INTS1: variants seen among roughly 807,000 people sequenced by gnomAD.
INTS1 encodes the protein integrator complex subunit 1.
In INTS1, 137 loss-of-function variants were observed where a neutral mutation model predicts 241.6. That is an observed-to-expected ratio of 0.57 (90% CI 0.49 to 0.65). INTS1 has a LOEUF of 0.65. INTS1 is among the 30% of genes least tolerant of loss of function. INTS1 has a pLI of 0.00. For synonymous variants in INTS1, 1,692 were observed against 1,337.8 expected (o/e 1.26, Z -5.78); for missense variants, 3,073 against 3,032.2 (o/e 1.01, Z -0.32).
chr7:1,473,813 G>T (rs1372491278), intron 41 of INTS1, 120 bp from the exon 42 acceptor site: 5 of 1,276,784 alleles, frequency 3.9e-6, no homozygotes, highest in Non-Finnish European at 5.4e-6. Context: ...AGCCCCCTCT[G>T]CCAACCACTG....
chr7:1,499,174 A>G lies in INTS1; in HGVS notation c.951-13T>C. On this transcript the variant is annotated splice_polypyrimidine_tract_variant and intron_variant, in intron 7 of 47. Transcript: ENST00000404767. ...GAGCTCTTCGTACCTAGGCCAGAGGAGGGAGCGAGGAGGGAGGAAGGTGGC... is the reference window on the plus strand; with the variant it reads ...GAGCTCTTCGTACCTAGGCCAGAGGGGGGAGCGAGGAGGGAGGAAGGTGGC... 1 of 1,606,706 alleles carries G rather than the reference A, an allele frequency of 6.2e-7. No homozygotes were observed. Among genetic ancestry groups the G allele is most frequent in the Non-Finnish European group, 8.5e-7 (1 of 1,176,980 alleles).
Position 1,480,374 on chromosome 7 carries a change from C to T in INTS1, c.4017G>A (p.Val1339=), listed in dbSNP as rs1315994097. The T allele has an allele frequency of 6.2e-7, 1 of 1,612,466 alleles. No homozygotes were observed. Among genetic ancestry groups the T allele is most frequent in the Admixed American group, 1.7e-5 (1 of 59,928 alleles). Residue 1339 remains valine (V), a synonymous_variant, in exon 30 of 48, where the codon GTG becomes GTA. Transcript: ENST00000404767. ...GGCCCAGCACCCGGAGCTGGGTCCC[C>T]ACCCGAATCCGGCCCTGGCCTATGG... The part of the protein sequence containing the change: ...EQPIGQGRIR[V]GTQLRVLGPE...
At chr7:1,490,619 G>A (rs1035087272) in intron 16 of INTS1, among the ~76,000 whole-genome samples, 2 of 152,368 alleles carry the variant, frequency 1.3e-5, no homozygotes, top group Non-Finnish European at 2.9e-5. Context: ...ACGGATCGCA[G>A]GGCGTGGCCT....
intron 43 of INTS1, among the ~76,000 whole-genome samples, chr7:1,472,678 G>A (rs935157626): frequency 1.3e-5 from 2 of 152,234 alleles, no homozygotes; most frequent in African/African-American, 2.4e-5. Flanking sequence ...CTCTTCCGGC[G>A]GCACAGGAGA....
intron 4 of INTS1, 48 bp downstream of exon 4, chr7:1,500,122 C>T (rs1451687157): frequency 2.5e-6 from 4 of 1,580,402 alleles, no homozygotes; most frequent in South Asian, 2.3e-5. Context: ...AGGAGGGGAG[C>T]CAAGGGCCCC....
intron 4 of INTS1, 67 bp downstream of exon 4, chr7:1,500,103 G>C (rs1783088472): frequency 4.4e-6 from 7 of 1,587,610 alleles, no homozygotes; most frequent in South Asian, 3.4e-5. Context: ...GACACTTAAG[G>C]GGGAGGTGAG....
At chr7:1,504,263 G>C in intron 1 of INTS1, 60 bp downstream of exon 1, 1 of 587,968 alleles carries the variant, frequency 1.7e-6, no homozygotes, top group Non-Finnish European at 3.1e-6. Flanking sequence ...GGGAGCGGTA[G>C]CCGGGAGAAC....
intron 16 of INTS1, among the ~76,000 whole-genome samples, chr7:1,490,061 G>A (rs980620324): frequency 1.4e-5 from 2 of 144,102 alleles, no homozygotes; most frequent in East Asian, 4.1e-4. Flanking sequence ...GGGCCCCTCG[G>A]GTGAGGAAAC....
chr7:1,494,129 C>A (rs1324526718), intron 14 of INTS1, among the ~76,000 whole-genome samples: 1 of 152,198 alleles, frequency 6.6e-6, no homozygotes, highest in Non-Finnish European at 1.5e-5. Flanking sequence ...GGGGAGGCTA[C>A]CCCCACCCCA....
At chr7:1,479,928 G>A (rs1260903508) in intron 30 of INTS1, among the ~76,000 whole-genome samples, 1 of 152,174 alleles carries the variant, frequency 6.6e-6, no homozygotes, top group Admixed American at 6.5e-5. Flanking sequence ...GCCTGCCCAG[G>A]GACCACCAGG....
Position 1,499,307 on chromosome 7 carries a change from G to C in INTS1, c.898C>G (p.Leu300Val). 1 of 1,606,902 alleles carries C rather than the reference G, an allele frequency of 6.2e-7. No homozygotes were observed. The highest frequency in any genetic ancestry group is 1.1e-5 in the South Asian group (1 of 90,070). The change falls in exon 7 of 48, where the codon CTG becomes GTG. Residue 300 changes from leucine (L) to valine (V), a missense_variant. Leu to Val is a conservative substitution (Grantham distance 32). Transcript: ENST00000404767. ...GGGCTCAGCTTCTCCTCCGCGATCAGCAACTCCGTCTGGCTGTCCTCCTCC... is the reference window on the plus strand; with the variant it reads ...GGGCTCAGCTTCTCCTCCGCGATCACCAACTCCGTCTGGCTGTCCTCCTCC... ...TEEEDSQTEL[L>V]IAEEKLSPEQ...
Position 1,471,637 on chromosome 7 carries a change from C to T in INTS1, c.6189G>A (p.Leu2063=), listed in dbSNP as rs73267808. The T allele has an allele frequency of 2.6e-3, 4,221 of 1,612,144 alleles. 89 individuals are homozygous for T. The African/African-American group carries it at 0.05, about 19-fold the overall frequency. Residue 2063 remains leucine, a synonymous_variant, in exon 45 of 48, where the codon CTG becomes CTA. Transcript: ENST00000404767. ...CGTCTATGTCACTCAGAACCTCCAG[C>T]AGATCTGACACAGAGAGAGGGCCAG... The part of the protein sequence containing the change: ...RLSRGQTVED[L]LEVLSDIDEM...
Position 1,504,367 on chromosome 7 carries a change from C to A in INTS1, c.-86G>T, listed in dbSNP as rs1475474999. 1.2e-5 allele frequency: 6 copies of A among 492,074 alleles called. No homozygotes were observed. 30.5% of individuals were successfully genotyped at this position (492,074 alleles called of 1,614,324 possible). ...GAGCGCCGCCGCCGCCACCCGGCCA[C>A]CCCGGAATCGGAAACCGATCTCACC... On this transcript the variant is annotated 5_prime_UTR_variant, in exon 1 of 48. Coordinates refer to ENST00000404767, the MANE Select transcript of INTS1 (RefSeq NM_001080453.3).
chr7:1,487,380 G>C lies in INTS1; in HGVS notation c.2586C>G (p.Leu862=). 6.2e-7 allele frequency: 1 copy of C among 1,611,362 alleles called. No individual in the cohort carries two copies. The highest frequency in any genetic ancestry group is 8.5e-7 in the Non-Finnish European group (1 of 1,179,150). ...TTCGGCTGCGGCACAAGAGGTGCCC[G>C]AGGCGGAGGGACTGGTTGAGGCTTT... is the stretch of plus-strand genomic sequence containing the variant. ...QVKSLNQSLR[L]GHLLCRSRNP... is the part of the protein sequence containing the mutation. The change falls in exon 20 of 48, where the codon CTC becomes CTG. Residue 862 remains leucine, a synonymous_variant. Transcript: ENST00000404767.
chr7:1,487,542 C>G, intron 19 of INTS1, 93 bp from the exon 20 acceptor site: 1 of 1,467,604 alleles, frequency 6.8e-7, no homozygotes, highest in Non-Finnish European at 9.2e-7. Flanking sequence ...GAGGGGCAGC[C>G]GACAGCCCGA....
Position 1,483,341 on chromosome 7 carries a change from C to T in INTS1, c.3541+401G>A, listed in dbSNP as rs539107229. On this transcript the variant is annotated intron_variant, in intron 26 of 47. Coordinates refer to ENST00000404767, the MANE Select transcript of INTS1 (RefSeq NM_001080453.3). ...TGGCCAGAGCGTCCTCAGGGTCACT[C>T]GCCTGGGCCCCGGGGAGAGGACCCA... 6 of 340,244 alleles carry T rather than the reference C, an allele frequency of 1.8e-5. No homozygotes were observed. The East Asian group carries it at 2.2e-4, about 12-fold the overall frequency. The allele number at this position is 340,244 out of a possible 1,614,324, so 21.1% of individuals were successfully genotyped here.
Position 1,494,887 on chromosome 7 carries a change from G to T in INTS1, c.1839C>A (p.His613Gln). 6.4e-7 allele frequency: 1 copy of T among 1,561,172 alleles called. No homozygotes were observed. ...CCGGCTGCTCTGTGAACAGCACCTT[G>T]TGCAGGCTGGGCAGGCAGAGAAGAG... is the stretch of plus-strand genomic sequence containing the variant. ...LAPKDYVHCL[H>Q]KVLFTEQPET... is the part of the protein sequence containing the mutation. The change falls in exon 14 of 48, where the codon CAC (histidine) becomes CAA (glutamine). Residue 613 changes from histidine to glutamine, a missense_variant. Transcript: ENST00000404767.
chr7:1,492,927 G>A (rs1480669933), intron 16 of INTS1, 83 bp downstream of exon 16: 39 of 925,624 alleles, frequency 4.2e-5, no homozygotes, highest in South Asian at 1.4e-4. Context: ...AGTGGGGAGC[G>A]GGGCGCGGGC....
Position 1,471,555 on chromosome 7 carries a change from G to A in INTS1, c.6255+16C>T. 6.2e-7 allele frequency: 1 copy of A among 1,611,540 alleles called. No individual in the cohort carries two copies. Among genetic ancestry groups the A allele is most frequent in the South Asian group, 1.1e-5 (1 of 91,060 alleles). On this transcript the variant is annotated intron_variant, in intron 45 of 47. Transcript: ENST00000404767. ...AGTGGCTCCTCCCAGCTCTCCCTCA[G>A]CCCCATCCAGCTCACCGAGAAGAAG...
Sources: gnomAD v4.1 joint callset for allele counts (sites outside exome capture counted in the v4.1 genomes callset) on GRCh38, gnomAD v4.1.1 for gene constraint, MANE v1.5 for transcripts, NCBI Gene and HGNC (gene_info 2026-07-23, HGNC 2026-07-21) for gene names.